The following HENMT1 variants were observed in gnomAD, a reference collection of about 807,000 sequenced individuals.
The protein encoded by HENMT1 is small RNA 2'-O-methyltransferase.
A neutral mutation model predicts 31.1 loss-of-function variants in HENMT1; 27 were observed. The ratio of observed to expected loss-of-function variants is 0.87; its 90% confidence interval spans 0.64 to 1.20. The LOEUF is 1.20. HENMT1 is among the 50% of genes most tolerant of loss of function. The pLI is 0.00. For synonymous variants in HENMT1, 167 were observed against 172.2 expected, an observed-to-expected ratio of 0.97 and a Z score of 0.24; for missense variants, 438 against 469.6, an observed-to-expected ratio of 0.93 and a Z score of 0.62.
At chr1:108,649,119 T>C in intron 7 of HENMT1, 128 bp from the exon 8 acceptor site, 1 of 688,794 alleles carries the variant, frequency 1.5e-6, no homozygotes, top group Non-Finnish European at 2.4e-6. Context: ...CAGATCCTAC[T>C]AATCGTAAAT....
chr1:108,655,889 ACACT>A (rs1447316413), intron 3 of HENMT1, among the ~76,000 whole-genome samples, 191 bp from the exon 4 acceptor site: 2 of 144,928 alleles, frequency 1.4e-5, no homozygotes, highest in African/African-American at 2.5e-5. Context: ...ACACACACAC[ACACT>A]AACCTGAAAC....
chr1:108,651,650 T>C (rs916185933), intron 5 of HENMT1, among the ~76,000 whole-genome samples: 6 of 114,090 alleles, frequency 5.3e-5, no homozygotes, highest in East Asian at 4.8e-4. Flanking sequence ...TCAAGAAAGA[T>C]AGAAGAAAAA....
chr1:108,655,114 C>T (rs1658178270), intron 4 of HENMT1, among the ~76,000 whole-genome samples: 1 of 152,140 alleles, frequency 6.6e-6, no homozygotes, highest in Non-Finnish European at 1.5e-5. Context: ...GGTTTTCCAG[C>T]TTACTTTGAT....
At position 108,657,522 on chromosome 1, in the gene HENMT1, A is replaced by G. The variant is rs1456206074; in HGVS notation, c.79T>C (p.Phe27Leu). 3 of 1,612,970 alleles carry G rather than the reference A, an allele frequency of 1.9e-6. No individual in the cohort carries two copies. The highest frequency in any genetic ancestry group is 8.5e-7 in the Non-Finnish European group (1 of 1,179,144). ...CGCTGTCTGTATAGTGGAGGTTTAA[A>G]CTGAATTGCCGTCTCCCTGGGAACT... is the stretch of plus-strand genomic sequence containing the variant. ...EEVPRETAIQFKPPLYRQRYQ... is the reference protein window; with the variant it reads ...EEVPRETAIQLKPPLYRQRYQ... Residue 27 changes from phenylalanine to leucine, a missense_variant, in exon 3 of 8, where the codon TTT becomes CTT. Phe to Leu is a conservative substitution (Grantham distance 22). Transcript: ENST00000651461.
At chr1:108,651,597 A>T (rs1658056189) in intron 5 of HENMT1, among the ~76,000 whole-genome samples, 3 of 152,108 alleles carry the variant, frequency 2.0e-5, no homozygotes, top group Admixed American at 6.5e-5. Flanking sequence ...GCAAGCCAAG[A>T]TTGCACCATT....
At chr1:108,658,246 C>A (rs139642551) in intron 2 of HENMT1, among the ~76,000 whole-genome samples, 4,064 of 152,144 alleles carry the variant, frequency 0.027, 207 homozygotes, top group African/African-American at 0.094. Context: ...AATTCTCCTG[C>A]CTCAGCCTCC....
Position 108,648,581 on chromosome 1 carries a change from T to C in HENMT1, c.1167A>G (p.Glu389=), listed in dbSNP as rs1171293157. The C allele has an allele frequency of 5.6e-6, 9 of 1,612,412 alleles. No homozygotes were observed. The East Asian group carries it at 1.8e-4, about 32-fold the overall frequency. The change falls in exon 8 of 8, where the codon GAA becomes GAG. Residue 389 remains glutamate, a synonymous_variant. Transcript: ENST00000651461. ...TAAACATGGTTCAAAACTCAAACTG[T>C]TCATCAAAATAATTACGCAGGTCAG... ...VVADLRNYFD[E]QFEF is the part of the protein sequence containing the mutation.
chr1:108,652,892 C>T (rs1463913789), intron 5 of HENMT1, among the ~76,000 whole-genome samples: 2 of 151,266 alleles, frequency 1.3e-5, no homozygotes, highest in Admixed American at 6.6e-5. Context: ...TGCAGTGAGC[C>T]GAGATCGCGC....
rs1392267929 is a variant in HENMT1 at position 108,648,584 on chromosome 1, A to G, written c.1164T>C (p.Asp388=). The G allele has an allele frequency of 6.2e-7, 1 of 1,612,900 alleles. No homozygotes were observed. The highest frequency in any genetic ancestry group is 8.5e-7 in the Non-Finnish European group (1 of 1,178,902). The change falls in exon 8 of 8, where the codon GAT becomes GAC. Residue 388 remains aspartate (D), a synonymous_variant. Transcript: ENST00000651461. ...ACATGGTTCAAAACTCAAACTGTTC[A>G]TCAAAATAATTACGCAGGTCAGCCA... ...AVVADLRNYF[D]EQFEF
chr1:108,661,107 C>G (rs1238456660), upstream of HENMT1: 12 of 594,110 alleles, frequency 2.0e-5, no homozygotes, highest in Non-Finnish European at 2.5e-5. Flanking sequence ...CACGCACGGC[C>G]TCGCTGCGTG....
chr1:108,650,525 A>C lies in HENMT1; in HGVS notation c.579-137T>G, dbSNP rs867523433. On this transcript the variant is annotated intron_variant, in intron 6 of 7. Transcript: ENST00000651461. ...AATACTTCTAAGTTACAAATTCCTA[A>C]CCACCAGTGTATTTATTTCTAAGAG... is the stretch of plus-strand genomic sequence containing the variant. 12 of 738,268 alleles carry C rather than the reference A, an allele frequency of 1.6e-5. No homozygotes were observed. In the African/African-American group the frequency reaches 2.1e-4, roughly 13 times the overall value. 45.7% of individuals were successfully genotyped at this position (738,268 alleles called of 1,614,324 possible).
At chr1:108,661,252 G>C (rs1006287828), upstream of HENMT1, 1 of 152,320 alleles carries the variant, frequency 6.6e-6, no homozygotes. Context: ...GTCCCTCTAG[G>C]CTCTCAGTTC....
In HENMT1 at chr1:108,661,015, T is replaced by C; in HGVS notation, c.-131A>G. On this transcript the variant is annotated 5_prime_UTR_variant, in exon 1 of 8. Coordinates refer to ENST00000651461, the MANE Select transcript of HENMT1 (RefSeq NM_001102592.2). The stretch of plus-strand genomic sequence containing the variant: ...GGCCGTCGCTTCCATCATCCTGCGG[T>C]AAGCAGCATGCCCAACCGAAAAAAC... 1.0e-6 allele frequency: 1 copy of C among 984,944 alleles called. No homozygotes were observed. The highest frequency in any genetic ancestry group is 1.2e-6 in the Non-Finnish European group (1 of 829,682). 61.0% of individuals were successfully genotyped at this position (984,944 alleles called of 1,614,324 possible). A position where few individuals can be genotyped will look rare whatever the true frequency, so the allele number is the denominator to read the frequency against.
At chr1:108,653,474 G>A (rs1658120347) in intron 5 of HENMT1, among the ~76,000 whole-genome samples, 1 of 152,230 alleles carries the variant, frequency 6.6e-6, no homozygotes, top group Non-Finnish European at 1.5e-5. Flanking sequence ...GGGATTGCTA[G>A]ATCACATGGC....
chr1:108,654,500 T>C (rs1367713167), intron 5 of HENMT1, among the ~76,000 whole-genome samples: 1 of 152,168 alleles, frequency 6.6e-6, no homozygotes, highest in Non-Finnish European at 1.5e-5. Context: ...AAGGGGGGTA[T>C]AGGTATTCTT....
At chr1:108,657,399 T>C in intron 3 of HENMT1, 52 bp downstream of exon 3, 1 of 1,317,702 alleles carries the variant, frequency 7.6e-7, no homozygotes, top group Non-Finnish European at 1.1e-6. Context: ...ACACCTCATA[T>C]GACTAGTCTA....
At chr1:108,655,143 T>C (rs1478512839) in intron 4 of HENMT1, among the ~76,000 whole-genome samples, 1 of 152,228 alleles carries the variant, frequency 6.6e-6, no homozygotes, top group East Asian at 1.9e-4. Context: ...TTTGAGATTT[T>C]TGTTCTTTAG....
chr1:108,654,673 T>C (rs1229589920), intron 5 of HENMT1, 43 bp downstream of exon 5: 2 of 1,590,038 alleles, frequency 1.3e-6, no homozygotes, highest in Admixed American at 3.4e-5. Context: ...TTATTCAGGC[T>C]TTTCAAATGA....
At chr1:108,658,796 A>T (rs1342741866) in intron 2 of HENMT1, among the ~76,000 whole-genome samples, 1 of 152,186 alleles carries the variant, frequency 6.6e-6, no homozygotes, top group East Asian at 1.9e-4. Context: ...CAATAAAGTC[A>T]GACTAATTTT....
Sources: gnomAD v4.1 joint callset for allele counts (sites outside exome capture counted in the v4.1 genomes callset) on GRCh38, gnomAD v4.1.1 for gene constraint, MANE v1.5 for transcripts, NCBI Gene and HGNC (gene_info 2026-07-23, HGNC 2026-07-21) for gene names.